Variants in RNF111 observed in about 807,000 individuals in gnomAD.
RNF111 encodes E3 ubiquitin-protein ligase Arkadia.
RNF111 carries 17 observed loss-of-function variants against 95.1 expected under a neutral mutation model. The ratio of observed to expected loss-of-function variants is 0.18; its 90% CI spans 0.12 to 0.27. The LOEUF is 0.27. Ranked by LOEUF, RNF111 falls within the 10% of genes least tolerant of loss-of-function variation. The pLI is 1.00. For missense variants in RNF111, 1,189 were observed against 1,210.4 expected (o/e 0.98, Z 0.26); for synonymous variants, 440 against 414.8 (o/e 1.06, Z -0.74).
At position 59,081,141 on chromosome 15, in the gene RNF111, A is replaced by C. The variant is rs746082498; in HGVS notation, c.2154A>C (p.Ala718=). The change falls in exon 8 of 14, where the codon GCA becomes GCC. Residue 718 remains alanine (A), a synonymous_variant. Transcript: ENST00000348370. ...PPPTHLASTA[A]PIPQHLPPTH... ...CAACTCACTTAGCCAGTACAGCTGC[A>C]CCAATCCCTCAGCATCTTCCTCCTA... is the stretch of plus-strand genomic sequence containing the variant. 1.9e-6 allele frequency: 3 copies of C among 1,614,114 alleles called. No homozygotes were observed. The Admixed American group carries it at 5.0e-5, about 27-fold the overall frequency.
chr15:58,992,225 A>G (rs1311063242), intron 1 of RNF111, among the ~76,000 whole-genome samples: 1 of 152,054 alleles, frequency 6.6e-6, no homozygotes, highest in Non-Finnish European at 1.5e-5. Flanking sequence ...TTGTATTTTT[A>G]GTAGAAACGG....
chr15:59,081,426 C>G, intron 8 of RNF111, 142 bp downstream of exon 8: 1 of 685,636 alleles, frequency 1.5e-6, no homozygotes, highest in South Asian at 1.9e-5. Context: ...AGGAGGATTG[C>G]TTGAGCCCAG....
intron 1 of RNF111, among the ~76,000 whole-genome samples, chr15:59,000,458 T>C (rs557681865): frequency 1.3e-5 from 2 of 152,184 alleles, no homozygotes; most frequent in East Asian, 3.9e-4. Context: ...ACATCTGTAA[T>C]TGCAGCACTT....
At chr15:59,018,840 A>C (rs1472208678) in intron 1 of RNF111, among the ~76,000 whole-genome samples, 1 of 152,204 alleles carries the variant, frequency 6.6e-6, no homozygotes, top group East Asian at 1.9e-4. Context: ...TTAAATAAGA[A>C]AAGGATGAAA....
chr15:59,089,820 A>G (rs2140234197), intron 11 of RNF111, 61 bp downstream of exon 11: 2 of 1,103,678 alleles, frequency 1.8e-6, no homozygotes, highest in East Asian at 2.4e-5. Context: ...TTGAGTATAT[A>G]TATACTACTA....
chr15:59,094,721 T>G, intron 13 of RNF111, 62 bp from the exon 14 acceptor site: 1 of 893,664 alleles, frequency 1.1e-6, no homozygotes, highest in Admixed American at 1.7e-5. Context: ...ATATATAATT[T>G]GTTAACTACG....
intron 10 of RNF111, among the ~76,000 whole-genome samples, chr15:59,086,662 T>C (rs1471791491): frequency 3.3e-5 from 5 of 152,202 alleles, no homozygotes; most frequent in African/African-American, 1.2e-4. Flanking sequence ...CAGACTGGAT[T>C]ATGGAATGGT....
In RNF111 at chr15:59,030,705, T is replaced by G. The variant is rs1215555064; in HGVS notation, c.-19-99T>G. On this transcript the variant is annotated intron_variant, in intron 1 of 13. Coordinates refer to ENST00000348370, the MANE Select transcript of RNF111 (RefSeq NM_017610.8). Reference sequence around the variant, plus strand: ...CTGATGAGGAAAAGACAGTTCTGCCTTTATAAGGGATCTTCTTGGTGGAAT... The same window carrying G: ...CTGATGAGGAAAAGACAGTTCTGCCGTTATAAGGGATCTTCTTGGTGGAAT... 11 of 803,284 alleles carry G rather than the reference T, an allele frequency of 1.4e-5. No individual in the cohort carries two copies. In the African/African-American group the frequency reaches 1.7e-4, roughly 13 times the overall value. The allele number at this position is 803,284 out of a possible 1,614,324, so 49.8% of individuals were successfully genotyped here. A position where few individuals can be genotyped will look rare whatever the true frequency, so the allele number is the denominator to read the frequency against.
intron 6 of RNF111, among the ~76,000 whole-genome samples, chr15:59,067,743 G>T (rs2042729311): frequency 6.6e-6 from 1 of 152,054 alleles, no homozygotes; most frequent in South Asian, 2.1e-4. Context: ...ACAAATTGTT[G>T]AAACTCTAGT....
intron 5 of RNF111, among the ~76,000 whole-genome samples, chr15:59,060,306 T>C (rs371665251): frequency 2.8e-4 from 42 of 151,700 alleles, no homozygotes; most frequent in East Asian, 1.5e-3. Flanking sequence ...ATTTTAATTC[T>C]TAAAAAAAAA....
chr15:59,011,371 G>T (rs2039801655), intron 1 of RNF111, among the ~76,000 whole-genome samples: 1 of 152,162 alleles, frequency 6.6e-6, no homozygotes, highest in Admixed American at 6.5e-5. Flanking sequence ...ACTGGTCTGT[G>T]TCTTTATTCA....
chr15:58,997,402 C>G (rs764508366), intron 1 of RNF111, among the ~76,000 whole-genome samples: 1 of 152,032 alleles, frequency 6.6e-6, no homozygotes, highest in African/African-American at 2.4e-5. Context: ...GACATTTGCA[C>G]TGATGGTGCA....
At chr15:59,028,781 A>ATTTTTT (rs34725448) in intron 1 of RNF111, among the ~76,000 whole-genome samples, 4 of 147,142 alleles carry the variant, frequency 2.7e-5, no homozygotes, top group Non-Finnish European at 3.0e-5. Context: ...TTTGTGTTTA[A>ATTTTTT]TTTTTTTTTT....
At chr15:59,049,212 C>G (rs1026585338) in intron 2 of RNF111, among the ~76,000 whole-genome samples, 1 of 152,198 alleles carries the variant, frequency 6.6e-6, no homozygotes, top group Non-Finnish European at 1.5e-5. Context: ...CTGGTTACCA[C>G]CACTCTTCTT....
intron 5 of RNF111, among the ~76,000 whole-genome samples, chr15:59,065,235 A>G (rs2042605804): frequency 6.6e-6 from 1 of 152,160 alleles, no homozygotes; most frequent in Non-Finnish European, 1.5e-5. Context: ...TTGTAATTTA[A>G]TCAGAAGCTT....
At chr15:59,016,145 T>C (rs1478287169) in intron 1 of RNF111, among the ~76,000 whole-genome samples, 1 of 151,016 alleles carries the variant, frequency 6.6e-6, no homozygotes, top group East Asian at 1.9e-4. Flanking sequence ...CCAATTTTGG[T>C]TAAAAAATAT....
At position 59,058,630 on chromosome 15, in the gene RNF111, T is replaced by G. The variant is rs1423071210; in HGVS notation, c.1366+80T>G. On this transcript the variant is annotated intron_variant, in intron 5 of 13. Coordinates refer to ENST00000348370, the MANE Select transcript of RNF111 (RefSeq NM_017610.8). ...AGTATTATTGTTTTTAAGTCTAAGA[T>G]TTTAGCTATGTTAATAAGCGGGTAT... 28 of 1,263,800 alleles carry G rather than the reference T, an allele frequency of 2.2e-5. No individual in the cohort carries two copies. The Middle Eastern group carries it at 9.6e-4, about 43-fold the overall frequency. The allele number at this position is 1,263,800 out of a possible 1,614,324, so 78.3% of individuals were successfully genotyped here. A position where few individuals can be genotyped will look rare whatever the true frequency, so the allele number is the denominator to read the frequency against.
Position 59,091,210 on chromosome 15 carries a change from A to G in RNF111, c.2739+56A>G, listed in dbSNP as rs1596317294. 6 of 952,926 alleles carry G rather than the reference A, an allele frequency of 6.3e-6. 1 individual carries two copies. Among genetic ancestry groups the G allele is most frequent in the South Asian group, 6.2e-5 (4 of 64,022 alleles). 59.0% of individuals were successfully genotyped at this position (952,926 alleles called of 1,614,324 possible). A position where few individuals can be genotyped will look rare whatever the true frequency, so the allele number is the denominator to read the frequency against. ...TGTTACTGAAAGGCATAAATGTAAT[A>G]TATACCTTTTTTGAATTTGTAGACT... is the stretch of plus-strand genomic sequence containing the variant. On this transcript the variant is annotated intron_variant, in intron 12 of 13. Transcript: ENST00000348370.
rs751155118 is a variant in RNF111 at position 59,066,808 on chromosome 15, C to T, written c.1411C>T (p.Pro471Ser). ...TTSSAVTETG[P>S]PAMPRLPSCC... ...ATCTAGTGCTGTAACGGAAACTGGC[C>T]CTCCTGCAATGCCAAGGTTACCTTC... Residue 471 changes from proline (P) to serine (S), a missense_variant, in exon 6 of 14, where the codon CCT becomes TCT. By Grantham distance (74) the Pro-to-Ser change is moderately conservative. Transcript: ENST00000348370. 5 of 1,613,874 alleles carry T rather than the reference C, an allele frequency of 3.1e-6. No homozygotes were observed. In the Admixed American group the frequency reaches 8.3e-5, roughly 27 times the overall value.
Sources: allele counts gnomAD v4.1 joint callset (sites outside exome capture counted in the v4.1 genomes callset), GRCh38; gene constraint gnomAD v4.1.1; transcripts MANE v1.5; gene names NCBI Gene and HGNC (gene_info 2026-07-23, HGNC 2026-07-21).